COL4A1: variants seen among roughly 807,000 people sequenced by gnomAD.
COL4A1 encodes collagen type IV alpha 1 chain, also known as collagen alpha-1(IV) chain.
COL4A1 carries 40 observed loss-of-function variants against 216.6 expected under a neutral mutation model. That is an observed-to-expected ratio of 0.18 (90% confidence interval 0.14 to 0.24). The LOEUF (loss-of-function observed/expected upper bound fraction) is 0.24. COL4A1 is among the 10% of genes least tolerant of loss of function. COL4A1 has a pLI of 1.00. For synonymous variants in COL4A1, 839 were observed against 810.7 expected (o/e 1.03, Z -0.59); for missense variants, 1,628 against 2,196.8 (o/e 0.74, Z 5.18).
intron 2 of COL4A1, among the ~76,000 whole-genome samples, chr13:110,227,071 C>A (rs1190340152): frequency 2.0e-5 from 3 of 152,164 alleles, no homozygotes; most frequent in Admixed American, 1.3e-4. Flanking sequence ...TTAAAAATTT[C>A]TATCAGTAAG....
rs626444 is a variant in COL4A1, at chr13:110,212,049, T to C, written c.388-127A>G. 565,774 of 1,014,782 alleles carry C rather than the reference T, an allele frequency of 0.56. 160,096 individuals carry two copies. The highest frequency in any genetic ancestry group is 0.66 in the South Asian group (51,152 of 77,578). 62.9% of individuals were successfully genotyped at this position (1,014,782 alleles called of 1,614,324 possible). A position where few individuals can be genotyped will look rare whatever the true frequency, so the allele number is the denominator to read the frequency against. ...AAAATCATTTCCTAAAAACAGTTTG[T>C]CACAAGCTGTGCTACTGGGTACCAC... On this transcript the variant is annotated intron_variant, in intron 6 of 51. Transcript: ENST00000375820.
chr13:110,246,281 C>T (rs908226610), intron 1 of COL4A1, among the ~76,000 whole-genome samples: 5 of 151,780 alleles, frequency 3.3e-5, no homozygotes, highest in African/African-American at 1.2e-4. Flanking sequence ...TATAAGGGCC[C>T]GTGCTGGGTT....
At chr13:110,272,626 G>A (rs1244354324) in intron 1 of COL4A1, among the ~76,000 whole-genome samples, 1 of 152,172 alleles carries the variant, frequency 6.6e-6, no homozygotes, top group Non-Finnish European at 1.5e-5. Context: ...GTTCCACAAT[G>A]GTGACACTTC....
intron 1 of COL4A1, among the ~76,000 whole-genome samples, chr13:110,267,967 G>A (rs928066853): frequency 5.3e-5 from 8 of 152,050 alleles, no homozygotes; most frequent in Non-Finnish European, 1.0e-4. Flanking sequence ...GTTATTCACA[G>A]GGTATGCTCC....
At chr13:110,267,113 G>A (rs980539022) in intron 1 of COL4A1, among the ~76,000 whole-genome samples, 2 of 152,124 alleles carry the variant, frequency 1.3e-5, no homozygotes, top group African/African-American at 2.4e-5. Context: ...CGAGGGCAGC[G>A]GCTGCTGAGC....
chr13:110,168,267 G>A (rs950058876), intron 43 of COL4A1, among the ~76,000 whole-genome samples: 1 of 152,132 alleles, frequency 6.6e-6, no homozygotes, highest in Non-Finnish European at 1.5e-5. Flanking sequence ...TGCCCACCTC[G>A]GCCTCCCAAA....
At chr13:110,231,178 T>C (rs1214552752) in intron 2 of COL4A1, among the ~76,000 whole-genome samples, 1 of 152,126 alleles carries the variant, frequency 6.6e-6, no homozygotes, top group Non-Finnish European at 1.5e-5. Context: ...GCCCAGGACA[T>C]ATCGATGAGA....
intron 4 of COL4A1, 119 bp downstream of exon 4, chr13:110,213,660 TGTG>T: frequency 1.0e-6 from 1 of 985,274 alleles, no homozygotes; most frequent in Non-Finnish European, 1.6e-6. Context: ...GCCCGTGCTG[TGTG>T]AGCTGGGAGA....
rs874204 is a variant in COL4A1 at position 110,175,233 on chromosome 13, C to T, written c.3183G>A (p.Gly1061=). The change falls in exon 37 of 52, where the codon GGG becomes GGA. Residue 1061 remains glycine (G), a synonymous_variant. Coordinates refer to ENST00000375820, the MANE Select transcript of COL4A1 (RefSeq NM_001845.6). ...CGCTGGTTACCTTTTCACCTCGCAGCCCTGGGATGCCTATGCCAGGTGGGC... is the reference window on the plus strand; with the variant it reads ...CGCTGGTTACCTTTTCACCTCGCAGTCCTGGGATGCCTATGCCAGGTGGGC... The part of the protein sequence containing the change: ...QAGPPGIGIP[G]LRGEKGDQGI... The T allele has an allele frequency of 0.36, 580,394 of 1,613,402 alleles. 105,559 individuals are homozygous for T. The highest frequency in any genetic ancestry group is 0.38 in the Admixed American group (23,004 of 59,970).
chr13:110,288,484 C>G (rs180991084), intron 1 of COL4A1, among the ~76,000 whole-genome samples: 88 of 152,202 alleles, frequency 5.8e-4, no homozygotes, highest in Non-Finnish European at 1.1e-3. Flanking sequence ...GATTATCTAA[C>G]CACAGGGTAG....
intron 32 of COL4A1, 22 bp from the exon 33 acceptor site, chr13:110,177,953 G>A: frequency 6.2e-7 from 1 of 1,614,096 alleles, no homozygotes; most frequent in South Asian, 1.1e-5. Context: ...GGAAAGGACT[G>A]TGAACATTTT....
At chr13:110,173,532 T>C (rs186649309) in intron 40 of COL4A1, among the ~76,000 whole-genome samples, 13 of 151,970 alleles carry the variant, frequency 8.6e-5, no homozygotes, top group African/African-American at 2.9e-4. Context: ...TCCCCTCAAA[T>C]GGGGAAATGC....
chr13:110,202,396 C>A (rs1372503572), intron 18 of COL4A1, among the ~76,000 whole-genome samples: 1 of 152,130 alleles, frequency 6.6e-6, no homozygotes, highest in East Asian at 1.9e-4. Context: ...TACCTTTGAA[C>A]TATAATTCCT....
intron 49 of COL4A1, among the ~76,000 whole-genome samples, chr13:110,158,324 G>A (rs1305280302): frequency 1.3e-5 from 2 of 152,234 alleles, no homozygotes; most frequent in African/African-American, 2.4e-5. Context: ...GCACCTTCCA[G>A]CCCTCTGGTC....
rs541367470 is a variant in COL4A1 at position 110,235,556 on chromosome 13, G to A, written c.144+7119C>T. On this transcript the variant is annotated intron_variant, in intron 2 of 51. Transcript: ENST00000375820. ...GTCCCAGCTACTTGGGAGGCTGAGGGAGGAGAATGGCGTGAACCAGTGAAC... is the reference window on the plus strand; with the variant it reads ...GTCCCAGCTACTTGGGAGGCTGAGGAAGGAGAATGGCGTGAACCAGTGAAC... Among the ~76,000 whole-genome samples, 119 of 151,916 alleles carry A rather than the reference G, an allele frequency of 7.8e-4. 1 individual carries two copies. The highest frequency in any genetic ancestry group is 4.8e-3 in the Admixed American group (73 of 15,260).
chr13:110,186,682 T>G, intron 25 of COL4A1, 129 bp from the exon 26 acceptor site: 1 of 1,211,378 alleles, frequency 8.3e-7, no homozygotes, highest in South Asian at 1.5e-5. Context: ...ATTTACTTCA[T>G]CTACCCTCCC....
rs536842229 is a variant in COL4A1, at chr13:110,186,641, A to G, written c.1729-88T>C. ...CATTCTTCTGACATTTGTGGTCAATAAGTACTAGAGTTAACTGGCTCACAC... is the reference window on the plus strand; with the variant it reads ...CATTCTTCTGACATTTGTGGTCAATGAGTACTAGAGTTAACTGGCTCACAC... On this transcript the variant is annotated intron_variant, in intron 25 of 51. Coordinates refer to ENST00000375820, the MANE Select transcript of COL4A1 (RefSeq NM_001845.6). The G allele has an allele frequency of 7.2e-6, 11 of 1,518,498 alleles. 1 individual carries two copies. In the South Asian group the frequency reaches 1.2e-4, roughly 16 times the overall value. The allele number at this position is 1,518,498 out of a possible 1,614,324, so 94.1% of individuals were successfully genotyped here.
At chr13:110,166,727 T>C (rs1877358624) in intron 44 of COL4A1, among the ~76,000 whole-genome samples, 1 of 152,196 alleles carries the variant, frequency 6.6e-6, no homozygotes. Flanking sequence ...CTGTTTTTGG[T>C]CCCGATCTGA....
intron 41 of COL4A1, 28 bp from the exon 42 acceptor site, chr13:110,170,760 T>C: frequency 1.2e-6 from 2 of 1,612,436 alleles, no homozygotes; most frequent in Non-Finnish European, 1.7e-6. Flanking sequence ...TTTGAGGTGA[T>C]GGGAAACGCA....
Sources: allele counts gnomAD v4.1 joint callset (sites outside exome capture counted in the v4.1 genomes callset), GRCh38; gene constraint gnomAD v4.1.1; transcripts MANE v1.5; gene names NCBI Gene and HGNC (gene_info 2026-07-23, HGNC 2026-07-21).